Variants in PTPRN2 observed in about 807,000 individuals in gnomAD.
PTPRN2 encodes the protein protein tyrosine phosphatase receptor type N2.
In PTPRN2, 74 loss-of-function variants were observed where a neutral mutation model predicts 118.8. The ratio of observed to expected loss-of-function variants is 0.62; its 90% CI spans 0.52 to 0.76. The LOEUF is 0.76. PTPRN2 is among the 30% of genes least tolerant of loss of function. The pLI is 0.00. For synonymous variants in PTPRN2, 641 were observed against 608.0 expected, an observed-to-expected ratio of 1.05 and a Z score of -0.80; for missense variants, 1,481 against 1,394.4, an observed-to-expected ratio of 1.06 and a Z score of -0.99.
intron 3 of PTPRN2, among the ~76,000 whole-genome samples, chr7:158,256,150 G>A (rs952815615): frequency 1.3e-5 from 2 of 152,212 alleles, no homozygotes; most frequent in African/African-American, 4.8e-5. Flanking sequence ...TCTGTGCAAA[G>A]GTGATGTGGG....
chr7:157,822,168 A>C (rs536328523), intron 12 of PTPRN2, among the ~76,000 whole-genome samples: 1 of 151,692 alleles, frequency 6.6e-6, no homozygotes, highest in South Asian at 2.1e-4. Context: ...CCATCTATAC[A>C]CTATCCATCA....
At chr7:157,959,980 G>A (rs540727813) in intron 11 of PTPRN2, among the ~76,000 whole-genome samples, 1 of 152,164 alleles carries the variant, frequency 6.6e-6, no homozygotes, top group Non-Finnish European at 1.5e-5. Flanking sequence ...GTCTATACAC[G>A]GCGGGGTATT....
intron 2 of PTPRN2, among the ~76,000 whole-genome samples, chr7:158,443,279 A>G (rs547220521): frequency 4.6e-5 from 7 of 152,338 alleles, no homozygotes; most frequent in Non-Finnish European, 8.8e-5. Flanking sequence ...AGCGCCAGGC[A>G]TGGCTTCTCC....
intron 3 of PTPRN2, among the ~76,000 whole-genome samples, chr7:158,309,941 A>G (rs1801571738): frequency 6.6e-6 from 1 of 152,150 alleles, no homozygotes; most frequent in Non-Finnish European, 1.5e-5. Context: ...TCCATACGAA[A>G]GAGATCCCAG....
rs1482046012 is a variant in PTPRN2, at chr7:158,077,113, T to A, written c.1723+4185A>T. Reference sequence around the variant, plus strand: ...CAGCCCTTGCTCCAGCAGAGAGGCCTGTGACTAACGCAGAACGCTGCGGGC... The same window carrying A: ...CAGCCCTTGCTCCAGCAGAGAGGCCAGTGACTAACGCAGAACGCTGCGGGC... On this transcript the variant is annotated intron_variant, in intron 11 of 22. Coordinates refer to ENST00000389418, the MANE Select transcript of PTPRN2 (RefSeq NM_002847.5). Among the ~76,000 whole-genome samples, 3 of 152,200 alleles carry A rather than the reference T, an allele frequency of 2.0e-5. No homozygotes were observed. The East Asian group carries it at 5.8e-4, about 29-fold the overall frequency.
At chr7:158,152,719 G>A (rs889279813) in intron 6 of PTPRN2, among the ~76,000 whole-genome samples, 5 of 152,160 alleles carry the variant, frequency 3.3e-5, no homozygotes, top group African/African-American at 1.2e-4. Flanking sequence ...AAACCCCCAA[G>A]ACCCTGGCAG....
intron 3 of PTPRN2, among the ~76,000 whole-genome samples, chr7:158,257,899 C>T (rs958982431): frequency 1.3e-4 from 20 of 152,220 alleles, no homozygotes; most frequent in African/African-American, 4.3e-4. Context: ...ACCCTGGCTT[C>T]GCGGTGACAG....
intron 1 of PTPRN2, among the ~76,000 whole-genome samples, chr7:158,504,691 C>T (rs1371774993): frequency 1.3e-5 from 2 of 152,206 alleles, no homozygotes; most frequent in East Asian, 1.9e-4. Context: ...ACATTGTGAA[C>T]AATTCCCTGT....
intron 1 of PTPRN2, among the ~76,000 whole-genome samples, chr7:158,557,939 A>G (rs1202064622): frequency 1.3e-5 from 2 of 152,206 alleles, no homozygotes; most frequent in East Asian, 3.8e-4. Context: ...CCATCTTCCC[A>G]GCAGTAGCTA....
intron 12 of PTPRN2, among the ~76,000 whole-genome samples, chr7:157,875,616 T>TG (rs949117036): frequency 5.3e-5 from 8 of 152,202 alleles, no homozygotes; most frequent in Non-Finnish European, 1.0e-4. Context: ...GCCCTGATTG[T>TG]GGGGCCATGG....
At chr7:158,468,858 C>CCAGGTG (rs1239320042) in intron 2 of PTPRN2, among the ~76,000 whole-genome samples, 1 of 133,184 alleles carries the variant, frequency 7.5e-6, no homozygotes, top group African/African-American at 2.7e-5. Context: ...CACTCCCAAT[C>CCAGGTG]GATCAAGAGT....
chr7:158,559,358 A>G (rs1393409387), intron 1 of PTPRN2, among the ~76,000 whole-genome samples: 4 of 152,198 alleles, frequency 2.6e-5, no homozygotes, highest in Non-Finnish European at 5.9e-5. Flanking sequence ...TACCATATGT[A>G]CTTTTTTGAT....
intron 1 of PTPRN2, among the ~76,000 whole-genome samples, chr7:158,495,667 C>A (rs1334786503): frequency 3.3e-5 from 5 of 152,196 alleles, no homozygotes; most frequent in Non-Finnish European, 5.9e-5. Context: ...TAAACCAGGG[C>A]GGCATCCAGG....
rs528152187 is a variant in PTPRN2 at position 158,419,268 on chromosome 7, A to G, written c.163+70467T>C. 6.5e-5 allele frequency among the ~76,000 whole-genome samples: 8 copies of G among 123,860 alleles called. No homozygotes were observed. The East Asian group carries it at 1.5e-3, about 23-fold the overall frequency. 81.3% of individuals were successfully genotyped at this position (123,860 alleles called of 152,430 possible). A position where few individuals can be genotyped will look rare whatever the true frequency, so the allele number is the denominator to read the frequency against. On this transcript the variant is annotated intron_variant, in intron 2 of 22. Transcript: ENST00000389418. ...AGACCCAGATGCTATCTCAAAGCTA[A>G]AAGTCATTTTCTTGACATCAAGCAT... is the stretch of plus-strand genomic sequence containing the variant.
At chr7:158,311,731 G>A (rs1025337790) in intron 3 of PTPRN2, among the ~76,000 whole-genome samples, 1 of 152,230 alleles carries the variant, frequency 6.6e-6, no homozygotes, top group African/African-American at 2.4e-5. Flanking sequence ...AGAAGCACAG[G>A]ATCAACTCTG....
chr7:158,564,747 T>G (rs372736800), intron 1 of PTPRN2, among the ~76,000 whole-genome samples: 9 of 152,240 alleles, frequency 5.9e-5, no homozygotes, highest in Non-Finnish European at 1.2e-4. Context: ...AGGCAAAGAA[T>G]GCCAGTGGTA....
At chr7:158,396,692 GTTTGTGTGTGCACATGTGTGCA>G (rs1327912851) in intron 2 of PTPRN2, among the ~76,000 whole-genome samples, 8 of 152,184 alleles carry the variant, frequency 5.3e-5, no homozygotes, top group African/African-American at 1.9e-4. Flanking sequence ...GTGTGTGCAT[GTTTGTGTGTGCACATGTGTGCA>G]TGTGTGTGTG....
intron 2 of PTPRN2, among the ~76,000 whole-genome samples, chr7:158,469,703 C>T (rs992470910): frequency 7.0e-6 from 1 of 143,420 alleles, no homozygotes; most frequent in East Asian, 2.1e-4. Flanking sequence ...AGCATCTGTT[C>T]GTGCCCCAGC....
intron 17 of PTPRN2, among the ~76,000 whole-genome samples, chr7:157,589,083 G>A (rs1394424042): frequency 6.6e-6 from 1 of 152,260 alleles, no homozygotes; most frequent in Non-Finnish European, 1.5e-5. Context: ...TTCCCAAATG[G>A]AAGCCCTGTC....
Sources: allele counts gnomAD v4.1 joint callset (sites outside exome capture counted in the v4.1 genomes callset), GRCh38; gene constraint gnomAD v4.1.1; transcripts MANE v1.5; gene names NCBI Gene and HGNC (gene_info 2026-07-23, HGNC 2026-07-21).